The following ZNF84 variants were observed in gnomAD, a reference collection of about 807,000 sequenced individuals.
ZNF84 encodes the protein zinc finger protein 84.
Under a neutral mutation model 14.8 loss-of-function variants are expected in ZNF84, and 12 were observed. The ratio of observed to expected loss-of-function variants is 0.81; its 90% confidence interval spans 0.52 to 1.31. ZNF84 has a LOEUF of 1.31. Ranked by LOEUF, ZNF84 falls within the 50% of genes most tolerant of loss-of-function variation. The probability of loss-of-function intolerance (pLI) is 0.00; values close to 1 mark genes in which losing one functional copy is unlikely to be tolerated. For synonymous variants in ZNF84, 347 were observed against 291.1 expected (o/e 1.19, Z -1.96); for missense variants, 859 against 878.6 (o/e 0.98, Z 0.28).
chr12:133,038,295 GC>G (rs1953824448), intron 1 of ZNF84, among the ~76,000 whole-genome samples: 3 of 146,968 alleles, frequency 2.0e-5, no homozygotes, highest in African/African-American at 7.5e-5. Flanking sequence ...TAGACAGTTT[GC>G]TTTTTTTCAT....
intron 4 of ZNF84, among the ~76,000 whole-genome samples, chr12:133,052,131 A>T (rs1954080236): frequency 1.3e-5 from 2 of 152,168 alleles, no homozygotes; most frequent in Non-Finnish European, 2.9e-5. Context: ...TGCCATAACA[A>T]AATACCATAT....
At position 133,057,810 on chromosome 12, in the gene ZNF84, T is replaced by TCGTTA; in HGVS notation, c.1096_1097insGTTAC (p.His366ArgfsTer88). On this transcript the variant is annotated frameshift_variant, in exon 5 of 5. Transcript: ENST00000539354. LOFTEE classifies it low-confidence loss of function (END_TRUNC). Reference sequence around the variant, plus strand: ...GCAGGAAGTCACAACTCGTTACACATCACAGAACTCACACAGGAACAAAAC... The same window carrying TCGTTA: ...GCAGGAAGTCACAACTCGTTACACATCGTTACACAGAACTCACACAGGAACAAAAC... 1.9e-6 allele frequency: 3 copies of TCGTTA among 1,614,032 alleles called. No individual in the cohort carries two copies. The highest frequency in any genetic ancestry group is 2.5e-6 in the Non-Finnish European group (3 of 1,179,994).
Position 133,058,854 on chromosome 12 carries a change from C to T in ZNF84, c.2139C>T (p.Cys713=). The part of the protein sequence containing the change: ...RIHTGEKPYR[C]IECGKAFSQK... ...ATACAGGAGAGAAGCCTTATCGATG[C>T]ATTGAATGTGGGAAAGCTTTCTCAC... is the stretch of plus-strand genomic sequence containing the variant. Residue 713 remains cysteine (C), a synonymous_variant, in exon 5 of 5, where the codon TGC becomes TGT. Coordinates refer to ENST00000539354, the MANE Select transcript of ZNF84 (RefSeq NM_001289971.2). 3 of 1,613,784 alleles carry T rather than the reference C, an allele frequency of 1.9e-6. No homozygotes were observed. Among genetic ancestry groups the T allele is most frequent in the Non-Finnish European group, 2.5e-6 (3 of 1,179,884 alleles).
In ZNF84 at chr12:133,060,667, G is replaced by A. The variant is rs1166554502; in HGVS notation, c.*1735G>A. On this transcript the variant is annotated 3_prime_UTR_variant, in exon 5 of 5. Coordinates refer to ENST00000539354, the MANE Select transcript of ZNF84 (RefSeq NM_001289971.2). ...CTGTAAGTCACATCCTCTTAAGTCA[G>A]GAACTATCTGTATAAGGAAACAAGA... 6.6e-6 allele frequency: 1 copy of A among 152,132 alleles called. No individual in the cohort carries two copies. Among genetic ancestry groups the A allele is most frequent in the Non-Finnish European group, 1.5e-5 (1 of 68,024 alleles). The allele number at this position is 152,132 out of a possible 1,614,324, so 9.4% of individuals were successfully genotyped here.
intron 2 of ZNF84, among the ~76,000 whole-genome samples, chr12:133,045,851 C>G (rs1953970309): frequency 6.6e-6 from 1 of 152,002 alleles, no homozygotes; most frequent in Non-Finnish European, 1.5e-5. Flanking sequence ...TTTATTTTCA[C>G]CATGCTCTTT....
In ZNF84 at chr12:133,059,866, G is replaced by A. The variant is rs1429051635; in HGVS notation, c.*934G>A. On this transcript the variant is annotated 3_prime_UTR_variant, in exon 5 of 5. Transcript: ENST00000539354. ...TTTAACTTATAGACATACATAAGGG[G>A]TCTTTTGTTTTTATGGACCTTTCTA... is the stretch of plus-strand genomic sequence containing the variant. The A allele has an allele frequency of 6.6e-6, 1 of 152,124 alleles. No homozygotes were observed. Among genetic ancestry groups the A allele is most frequent in the African/African-American group, 2.4e-5 (1 of 41,424 alleles). The allele number at this position is 152,124 out of a possible 1,614,324, so 9.4% of individuals were successfully genotyped here.
At chr12:133,052,446 A>G (rs1249155503) in intron 4 of ZNF84, among the ~76,000 whole-genome samples, 5 of 152,166 alleles carry the variant, frequency 3.3e-5, no homozygotes, top group African/African-American at 1.2e-4. Flanking sequence ...GGCTCAAGTG[A>G]TCCCCCCAAG....
rs986756021 is a variant in ZNF84, at chr12:133,061,185, G to A, written c.*2253G>A. The stretch of plus-strand genomic sequence containing the variant: ...TCATACTCAAGTGTATGAACTTCCT[G>A]GCTGGGCACAGTGGCTCATGCCTGT... On this transcript the variant is annotated 3_prime_UTR_variant, in exon 5 of 5. Coordinates refer to ENST00000539354, the MANE Select transcript of ZNF84 (RefSeq NM_001289971.2). 1 of 152,118 alleles carries A rather than the reference G, an allele frequency of 6.6e-6. No individual in the cohort carries two copies. The allele number at this position is 152,118 out of a possible 1,614,324, so 9.4% of individuals were successfully genotyped here. A position where few individuals can be genotyped will look rare whatever the true frequency, so the allele number is the denominator to read the frequency against.
intron 4 of ZNF84, among the ~76,000 whole-genome samples, chr12:133,051,274 CACTT>C (rs1459283333): frequency 2.0e-5 from 3 of 152,084 alleles, no homozygotes; most frequent in African/African-American, 4.8e-5. Flanking sequence ...AGAAGCATAA[CACTT>C]AGTTAAGAAG....
chr12:133,046,554 C>A (rs893287708), intron 2 of ZNF84, among the ~76,000 whole-genome samples: 9 of 151,894 alleles, frequency 5.9e-5, no homozygotes, highest in African/African-American at 2.2e-4. Context: ...TCCTTTATTT[C>A]TTAGTTACTA....
intron 4 of ZNF84, among the ~76,000 whole-genome samples, chr12:133,052,840 A>C (rs1954095328): frequency 6.6e-6 from 1 of 152,228 alleles, no homozygotes; most frequent in Non-Finnish European, 1.5e-5. Context: ...AAAGATGTGA[A>C]ATGAGCATGG....
intron 1 of ZNF84, chr12:133,038,944 T>C (rs904638474): frequency 6.6e-6 from 1 of 152,244 alleles, no homozygotes; most frequent in Admixed American, 6.5e-5. Context: ...CTTTTAAATA[T>C]GACCATATGC....
In ZNF84 at chr12:133,059,986, A is replaced by T. The variant is rs1337595425; in HGVS notation, c.*1054A>T. ...ATAAATATGCAAAGGCAGGAACCAC[A>T]GAATAACCATAGTAATATATAACTG... On this transcript the variant is annotated 3_prime_UTR_variant, in exon 5 of 5. Coordinates refer to ENST00000539354, the MANE Select transcript of ZNF84 (RefSeq NM_001289971.2). 1 of 152,232 alleles carries T rather than the reference A, an allele frequency of 6.6e-6. No homozygotes were observed. The highest frequency in any genetic ancestry group is 2.4e-5 in the African/African-American group (1 of 41,468). 9.4% of individuals were successfully genotyped at this position (152,232 alleles called of 1,614,324 possible).
intron 2 of ZNF84, among the ~76,000 whole-genome samples, chr12:133,042,868 C>T (rs1953910122): frequency 6.6e-6 from 1 of 152,220 alleles, no homozygotes; most frequent in Non-Finnish European, 1.5e-5. Context: ...AATCACCACT[C>T]AGATCAGGAA....
At chr12:133,046,347 GTTTTTTTTTTTTTTTTTTT>G (rs58214468) in intron 2 of ZNF84, among the ~76,000 whole-genome samples, 5,273 of 116,432 alleles carry the variant, frequency 0.045, 213 homozygotes, top group South Asian at 0.096. Context: ...AGTCCTCACA[GTTTTTTTTTTTTTTTTTTT>G]TTTTTTTTTT....
rs1429296451 is a variant in ZNF84, at chr12:133,060,301, A to AGG, written c.*1371_*1372dup. ...CACATTTCTGAAGATGTAAAGTATT[A>AGG]GGGAATTTTGTGCTGGAAAAACATT... On this transcript the variant is annotated 3_prime_UTR_variant, in exon 5 of 5. Transcript: ENST00000539354. 1 of 152,196 alleles carries AGG rather than the reference A, an allele frequency of 6.6e-6. No homozygotes were observed. Among genetic ancestry groups the AGG allele is most frequent in the Non-Finnish European group, 1.5e-5 (1 of 68,022 alleles). 9.4% of individuals were successfully genotyped at this position (152,196 alleles called of 1,614,324 possible). A position where few individuals can be genotyped will look rare whatever the true frequency, so the allele number is the denominator to read the frequency against.
intron 3 of ZNF84, chr12:133,048,400 T>C (rs1043295174): frequency 3.5e-6 from 1 of 284,358 alleles, no homozygotes; most frequent in Non-Finnish European, 6.7e-6. Flanking sequence ...TATCAACTCA[T>C]TTAGTCATCA....
At chr12:133,054,499 A>G (rs770828251) in intron 4 of ZNF84, among the ~76,000 whole-genome samples, 54 of 152,210 alleles carry the variant, frequency 3.5e-4, no homozygotes, top group Non-Finnish European at 6.8e-4. Flanking sequence ...TTATTTTTAG[A>G]ATGGGAACTT....
In ZNF84 at chr12:133,062,119, T is replaced by C. The variant is rs1954274830; in HGVS notation, c.*3187T>C. 1 of 152,244 alleles carries C rather than the reference T, an allele frequency of 6.6e-6. No individual in the cohort carries two copies. Among genetic ancestry groups the C allele is most frequent in the Admixed American group, 6.5e-5 (1 of 15,284 alleles). The allele number at this position is 152,244 out of a possible 1,614,324, so 9.4% of individuals were successfully genotyped here. A position where few individuals can be genotyped will look rare whatever the true frequency, so the allele number is the denominator to read the frequency against. On this transcript the variant is annotated 3_prime_UTR_variant, in exon 5 of 5. Transcript: ENST00000539354. ...GAAGCATCATCTTTTCTTATTCTCT[T>C]ACTGCCTGGATTTTCCCACTGACCT...
Sources: allele counts gnomAD v4.1 joint callset (sites outside exome capture counted in the v4.1 genomes callset), GRCh38; gene constraint gnomAD v4.1.1; transcripts MANE v1.5; gene names NCBI Gene and HGNC (gene_info 2026-07-23, HGNC 2026-07-21).